PLXNA4: variants seen among roughly 807,000 people sequenced by gnomAD.
The protein encoded by PLXNA4 is plexin-A4.
PLXNA4 carries 44 observed loss-of-function variants against 191.8 expected under a neutral mutation model. The ratio of observed to expected loss-of-function variants is 0.23; its 90% CI spans 0.18 to 0.29. PLXNA4 has a LOEUF of 0.29. PLXNA4 is among the 10% of genes least tolerant of loss of function. The pLI is 1.00. For missense variants in PLXNA4, 1,800 were observed against 2,488.8 expected, an observed-to-expected ratio of 0.72 and a Z score of 5.89; for synonymous variants, 1,082 against 1,009.5, an observed-to-expected ratio of 1.07 and a Z score of -1.36.
At chr7:132,207,521 C>G (rs1323975744) in intron 10 of PLXNA4, among the ~76,000 whole-genome samples, 4 of 152,234 alleles carry the variant, frequency 2.6e-5, no homozygotes, top group African/African-American at 9.6e-5. Flanking sequence ...TCCACTGCTG[C>G]CTGTGAGTCT....
intron 1 of PLXNA4, among the ~76,000 whole-genome samples, chr7:132,535,890 G>A (rs987314684): frequency 1.3e-5 from 2 of 152,118 alleles, no homozygotes; most frequent in Non-Finnish European, 2.9e-5. Flanking sequence ...AACCCTACAA[G>A]GTAGGTCTTA....
rs774498535 is a variant in PLXNA4, at chr7:132,228,415, C to T, written c.1659G>A (p.Ser553=). The T allele has an allele frequency of 1.3e-5, 21 of 1,614,032 alleles. No individual in the cohort carries two copies. The highest frequency in any genetic ancestry group is 6.7e-5 in the African/African-American group (5 of 74,916). ...ERSKEPRRFA[S]EMKQCVRLTV... The stretch of plus-strand genomic sequence containing the variant: ...TCAGCCGGACACACTGCTTCATCTC[C>T]GAGGCAAACCTGCGGGGCTCCTTGG... Residue 553 remains serine, a synonymous_variant, in exon 6 of 32, where the codon TCG becomes TCA. Transcript: ENST00000321063.
intron 3 of PLXNA4, among the ~76,000 whole-genome samples, chr7:132,393,441 C>A (rs1422501184): frequency 6.6e-6 from 1 of 152,148 alleles, no homozygotes. Context: ...CAAGAGCAAA[C>A]AGCCCCACAT....
chr7:132,588,802 AAAG>A (rs1364865466), intron 2 of PLXNA4, among the ~76,000 whole-genome samples: 2 of 151,636 alleles, frequency 1.3e-5, no homozygotes, highest in South Asian at 4.2e-4. Flanking sequence ...AAGAAGAAAG[AAAG>A]AAAGAAAAAG....
chr7:132,357,694 A>G (rs1177612164), intron 3 of PLXNA4, among the ~76,000 whole-genome samples: 1 of 152,216 alleles, frequency 6.6e-6, no homozygotes, highest in Admixed American at 6.5e-5. Context: ...TTCAATTTGT[A>G]GAAAGCCACT....
chr7:132,286,274 T>C (rs73496858), intron 4 of PLXNA4, among the ~76,000 whole-genome samples: 4 of 152,148 alleles, frequency 2.6e-5, no homozygotes, highest in South Asian at 4.1e-4. Flanking sequence ...TAAACAGACA[T>C]GGTGGGACAG....
upstream of PLXNA4, among the ~76,000 whole-genome samples, chr7:132,577,951 C>G (rs1454423021): frequency 2.0e-5 from 3 of 152,160 alleles, no homozygotes; most frequent in Non-Finnish European, 2.9e-5. Flanking sequence ...TGCCCCAGAG[C>G]TGGCTTGGTA....
At chr7:132,493,755 A>ATGGG (rs1563131893) in intron 2 of PLXNA4, among the ~76,000 whole-genome samples, 4 of 12,054 alleles carry the variant, frequency 3.3e-4, no homozygotes, top group South Asian at 8.3e-3. Flanking sequence ...GGGTGGATGG[A>ATGGG]TGGATGGATG....
At chr7:132,636,193 C>T (rs1224281222) in intron 2 of PLXNA4, among the ~76,000 whole-genome samples, 1 of 152,246 alleles carries the variant, frequency 6.6e-6, no homozygotes, top group African/African-American at 2.4e-5. Context: ...CGCAAGAACT[C>T]CAAGCAAACC....
intron 2 of PLXNA4, among the ~76,000 whole-genome samples, chr7:132,615,609 C>T (rs772468706): frequency 6.6e-6 from 1 of 152,188 alleles, no homozygotes; most frequent in Non-Finnish European, 1.5e-5. Context: ...CTCCTTATAC[C>T]TTATTCCCTG....
At chr7:132,428,204 G>A (rs1470456942) in intron 3 of PLXNA4, among the ~76,000 whole-genome samples, 1 of 152,112 alleles carries the variant, frequency 6.6e-6, no homozygotes, top group Non-Finnish European at 1.5e-5. Context: ...GACGTCCCAG[G>A]AGGGTCCCTT....
chr7:132,613,543 C>A (rs529851647), intron 2 of PLXNA4, among the ~76,000 whole-genome samples: 1 of 152,180 alleles, frequency 6.6e-6, no homozygotes, highest in Non-Finnish European at 1.5e-5. Context: ...CATTAAGTAT[C>A]TGGTGGCTGA....
chr7:132,312,947 G>T (rs575548964), intron 3 of PLXNA4, among the ~76,000 whole-genome samples: 1 of 152,170 alleles, frequency 6.6e-6, no homozygotes, highest in African/African-American at 2.4e-5. Context: ...GCACAGCTAC[G>T]TCATTGGCAA....
intron 9 of PLXNA4, among the ~76,000 whole-genome samples, chr7:132,220,617 C>T (rs1798111121): frequency 6.6e-6 from 1 of 151,900 alleles, no homozygotes; most frequent in Non-Finnish European, 1.5e-5. Context: ...TCGGCCATTT[C>T]CTCCAGACTA....
intron 1 of PLXNA4, among the ~76,000 whole-genome samples, chr7:132,535,416 C>A (rs1396914936): frequency 1.3e-5 from 2 of 152,154 alleles, no homozygotes; most frequent in African/African-American, 2.4e-5. Context: ...CAAGAGGGGG[C>A]CACACTCAGG....
chr7:132,132,452 G>GC (rs1563048236), intron 31 of PLXNA4, among the ~76,000 whole-genome samples: 4 of 56,804 alleles, frequency 7.0e-5, no homozygotes, highest in Admixed American at 5.8e-4. Flanking sequence ...GTTCTGTTCT[G>GC]TTCTGTTCTG....
chr7:132,309,434 G>A (rs74852284), intron 3 of PLXNA4, among the ~76,000 whole-genome samples: 1 of 152,004 alleles, frequency 6.6e-6, no homozygotes, highest in Non-Finnish European at 1.5e-5. Flanking sequence ...AACCAGGACC[G>A]TCAGCTCCTC....
At chr7:132,523,927 T>C (rs953131759) in intron 1 of PLXNA4, among the ~76,000 whole-genome samples, 4 of 151,808 alleles carry the variant, frequency 2.6e-5, no homozygotes, top group Non-Finnish European at 5.9e-5. Flanking sequence ...AAAGGTGAGG[T>C]TGTCTAGAGG....
At chr7:132,510,127 C>G (rs541626656) in intron 1 of PLXNA4, among the ~76,000 whole-genome samples, 3 of 152,236 alleles carry the variant, frequency 2.0e-5, no homozygotes, top group African/African-American at 7.2e-5. Flanking sequence ...TCTTCCAGTT[C>G]GAGAGAATTC....
Sources: gnomAD v4.1 joint callset for allele counts (sites outside exome capture counted in the v4.1 genomes callset) on GRCh38, gnomAD v4.1.1 for gene constraint, MANE v1.5 for transcripts, NCBI Gene and HGNC (gene_info 2026-07-23, HGNC 2026-07-21) for gene names.